The following CAMK2A variants were observed in gnomAD, a reference collection of about 807,000 sequenced individuals.
The protein encoded by CAMK2A is calcium/calmodulin-dependent protein kinase type II subunit alpha.
A neutral mutation model predicts 79.2 loss-of-function variants in CAMK2A; 7 were observed. The observed-to-expected ratio is 0.09, with a 90% CI of 0.05 to 0.17. The LOEUF (loss-of-function observed/expected upper bound fraction) is 0.17, where lower values mean the gene tolerates loss of function less well. Ranked by LOEUF, CAMK2A falls within the 10% of genes least tolerant of loss-of-function variation. CAMK2A has a pLI of 1.00. For missense variants in CAMK2A, 214 were observed against 646.4 expected, an observed-to-expected ratio of 0.33 and a Z score of 7.25; for synonymous variants, 242 against 251.7, an observed-to-expected ratio of 0.96 and a Z score of 0.36.
chr5:150,222,982 T>A lies in CAMK2A; in HGVS notation c.1466+7A>T. 2 of 1,612,264 alleles carry A rather than the reference T, an allele frequency of 1.2e-6. No homozygotes were observed. Among genetic ancestry groups the A allele is most frequent in the Non-Finnish European group, 1.7e-6 (2 of 1,178,390 alleles). Reference sequence around the variant, plus strand: ...TACCCTGGGAGGCAGGAAGGAGGGATTCTTACTGGGGCAGGACGGAGGGCG... The same window carrying A: ...TACCCTGGGAGGCAGGAAGGAGGGAATCTTACTGGGGCAGGACGGAGGGCG... On this transcript the variant is annotated splice_region_variant and intron_variant, in intron 18 of 18. Transcript: ENST00000671881.
chr5:150,283,137 C>G lies in CAMK2A; in HGVS notation c.62+6427G>C, dbSNP rs188619933. Among the ~76,000 whole-genome samples, 3 of 152,332 alleles carry G rather than the reference C, an allele frequency of 2.0e-5. No homozygotes were observed. In the East Asian group the frequency reaches 5.8e-4, roughly 29 times the overall value. On this transcript the variant is annotated intron_variant, in intron 1 of 18. Coordinates refer to ENST00000671881, the MANE Select transcript of CAMK2A (RefSeq NM_015981.4). ...ATTCAGCTTCCAGACCTTCACCACC[C>G]TGCCTGGCCCCCTCTTCCAGACAAT...
Position 150,266,870 on chromosome 5 carries a change from G to A in CAMK2A, c.158-1855C>T, listed in dbSNP as rs188609496. Among the ~76,000 whole-genome samples, 3 of 152,288 alleles carry A rather than the reference G, an allele frequency of 2.0e-5. No individual in the cohort carries two copies. In the East Asian group the frequency reaches 5.8e-4, roughly 29 times the overall value. On this transcript the variant is annotated intron_variant, in intron 2 of 18. Coordinates refer to ENST00000671881, the MANE Select transcript of CAMK2A (RefSeq NM_015981.4). ...TCAGAGTAGGCAGGTATGCGGGTGG[G>A]GGGGTGGTGAGAATGAAGAAAGTTC...
At chr5:150,227,046 AC>A (rs1754634886) in intron 17 of CAMK2A, among the ~76,000 whole-genome samples, 1 of 152,066 alleles carries the variant, frequency 6.6e-6, no homozygotes, top group Non-Finnish European at 1.5e-5. Context: ...TGCTGGGATT[AC>A]ATGCGTGAGC....
At position 150,222,605 on chromosome 5, in the gene CAMK2A, C is replaced by T. The variant is rs1479295239; in HGVS notation, c.*105G>A. The T allele has an allele frequency of 7.9e-7, 1 of 1,259,896 alleles. No individual in the cohort carries two copies. The highest frequency in any genetic ancestry group is 1.7e-5 in the Admixed American group (1 of 57,478). 78.0% of individuals were successfully genotyped at this position (1,259,896 alleles called of 1,614,324 possible). Reference sequence around the variant, plus strand: ...AGAAGTGACGGTGGTGGGGTGATGACATGGGAGAATTCCAGCAAAATCCAC... The same window carrying T: ...AGAAGTGACGGTGGTGGGGTGATGATATGGGAGAATTCCAGCAAAATCCAC... On this transcript the variant is annotated 3_prime_UTR_variant, in exon 19 of 19. Coordinates refer to ENST00000671881, the MANE Select transcript of CAMK2A (RefSeq NM_015981.4).
chr5:150,265,944 A>AAAAAG (rs1554123360), intron 2 of CAMK2A, among the ~76,000 whole-genome samples: 8 of 152,042 alleles, frequency 5.3e-5, no homozygotes, highest in African/African-American at 1.4e-4. Flanking sequence ...CAAAAAAAAA[A>AAAAAG]AAAAGAAAAG....
intron 14 of CAMK2A, among the ~76,000 whole-genome samples, chr5:150,239,271 C>T (rs987706450): frequency 6.6e-6 from 1 of 152,132 alleles, no homozygotes; most frequent in African/African-American, 2.4e-5. Flanking sequence ...CCCCTGCCAC[C>T]GGCGGGCCTG....
In CAMK2A at chr5:150,289,587, G is replaced by A; in HGVS notation, c.39C>T (p.Tyr13=). The change falls in exon 1 of 19, where the codon TAC becomes TAT. Residue 13 remains tyrosine (Y), a synonymous_variant. Coordinates refer to ENST00000671881, the MANE Select transcript of CAMK2A (RefSeq NM_015981.4). ...TITCTRFTEE[Y]QLFEELGKGA... Reference sequence around the variant, plus strand: ...ACTTGCCCAATTCCTCGAAGAGCTGGTACTCTTCCGTGAAGCGGGTGCAGG... The same window carrying A: ...ACTTGCCCAATTCCTCGAAGAGCTGATACTCTTCCGTGAAGCGGGTGCAGG... 1 of 1,613,980 alleles carries A rather than the reference G, an allele frequency of 6.2e-7. No homozygotes were observed. Among genetic ancestry groups the A allele is most frequent in the Non-Finnish European group, 8.5e-7 (1 of 1,179,898 alleles).
chr5:150,239,379 G>T (rs1264660388), intron 14 of CAMK2A, among the ~76,000 whole-genome samples: 1 of 152,174 alleles, frequency 6.6e-6, no homozygotes, highest in East Asian at 1.9e-4. Flanking sequence ...CCAAGCCTGA[G>T]ATGAATTCTA....
chr5:150,230,317 CAAAAAAAAAA>C (rs1216883745), intron 16 of CAMK2A, among the ~76,000 whole-genome samples: 24 of 60,642 alleles, frequency 4.0e-4, no homozygotes, highest in African/African-American at 1.4e-3. Context: ...GACTCCGTCT[CAAAAAAAAAA>C]AAAAAAAAAA....
intron 3 of CAMK2A, among the ~76,000 whole-genome samples, chr5:150,261,924 A>G (rs918333648): frequency 1.4e-4 from 22 of 152,320 alleles, no homozygotes; most frequent in African/African-American, 3.8e-4. Flanking sequence ...GATATTGTCA[A>G]CTTCATCACT....
intron 3 of CAMK2A, among the ~76,000 whole-genome samples, chr5:150,261,505 A>G (rs1461771020): frequency 6.6e-6 from 1 of 152,184 alleles, no homozygotes; most frequent in African/African-American, 2.4e-5. Flanking sequence ...ACTGTTTAAA[A>G]TATTGTCATA....
intron 10 of CAMK2A, 100 bp downstream of exon 10, chr5:150,250,588 C>G: frequency 2.0e-6 from 3 of 1,513,054 alleles, no homozygotes; most frequent in African/African-American, 1.4e-5. Flanking sequence ...ATTAAGCCCT[C>G]TTGGCCCCAT....
In CAMK2A at chr5:150,247,773, G is replaced by T; in HGVS notation, c.942C>A (p.Ser314=). ...LTTMLATRNF[S]GGKSGGNKKS... ...GGACCCTGAGGTCCTGCCACCTACC[G>T]GAGAAGTTCCTGGTGGCCAGCATCG... Residue 314 remains serine, a splice_region_variant and synonymous_variant, in exon 12 of 19, where the codon TCC becomes TCA. Coordinates refer to ENST00000671881, the MANE Select transcript of CAMK2A (RefSeq NM_015981.4). 1 of 1,611,020 alleles carries T rather than the reference G, an allele frequency of 6.2e-7. No homozygotes were observed. The highest frequency in any genetic ancestry group is 1.7e-4 in the Middle Eastern group (1 of 5,974).
chr5:150,245,821 G>A (rs1010900696), intron 12 of CAMK2A, among the ~76,000 whole-genome samples: 6 of 152,180 alleles, frequency 3.9e-5, no homozygotes, highest in Non-Finnish European at 8.8e-5. Context: ...GCTATGGCCC[G>A]GGTGGCAGGG....
At chr5:150,265,077 C>G (rs773288821) in intron 2 of CAMK2A, 62 bp from the exon 3 acceptor site, 36 of 1,277,132 alleles carry the variant, frequency 2.8e-5, no homozygotes, top group Non-Finnish European at 4.0e-5. Flanking sequence ...TCCATCTCCC[C>G]CTTCTCAAAG....
intron 7 of CAMK2A, among the ~76,000 whole-genome samples, chr5:150,252,353 G>A (rs1285126389): frequency 1.3e-5 from 2 of 152,090 alleles, no homozygotes; most frequent in Non-Finnish European, 2.9e-5. Flanking sequence ...CCTTCCTACT[G>A]GGTCCTGACT....
rs56178981 is a variant in CAMK2A, at chr5:150,273,069, G to A, written c.153C>T (p.Ala51=). The stretch of plus-strand genomic sequence containing the variant: ...GGGTAGAAATCAGGCACCTACCTCT[G>A]GCTGACAGCTTCTTTGTGTTGATGA... ...AKIINTKKLS[A]RDHQKLEREA... Residue 51 remains alanine (A), a synonymous_variant, in exon 2 of 19, where the codon GCC becomes GCT. Coordinates refer to ENST00000671881, the MANE Select transcript of CAMK2A (RefSeq NM_015981.4). The A allele has an allele frequency of 4.2e-4, 676 of 1,613,390 alleles. 2 individuals are homozygous for A. The East Asian group carries it at 9.5e-3, about 23-fold the overall frequency.
rs1248984422 is a variant in CAMK2A, at chr5:150,289,708, C to T, written c.-83G>A. The T allele has an allele frequency of 2.7e-6, 3 of 1,116,106 alleles. No homozygotes were observed. Among genetic ancestry groups the T allele is most frequent in the South Asian group, 1.3e-5 (1 of 75,026 alleles). 69.1% of individuals were successfully genotyped at this position (1,116,106 alleles called of 1,614,324 possible). A position where few individuals can be genotyped will look rare whatever the true frequency, so the allele number is the denominator to read the frequency against. ...CTGCTCTGCTCCCGAACCTAGGGAC[C>T]ACTTGCCTGCCCGTGCTGCCGAGTG... On this transcript the variant is annotated 5_prime_UTR_variant, in exon 1 of 19. Coordinates refer to ENST00000671881, the MANE Select transcript of CAMK2A (RefSeq NM_015981.4).
intron 15 of CAMK2A, 63 bp from the exon 16 acceptor site, chr5:150,231,443 T>C (rs1489922670): frequency 9.0e-6 from 6 of 663,398 alleles, no homozygotes; most frequent in South Asian, 4.7e-5. Flanking sequence ...ATAATAATAA[T>C]AGTGATGGTA....
Sources: gnomAD v4.1 joint callset for allele counts (sites outside exome capture counted in the v4.1 genomes callset) on GRCh38, gnomAD v4.1.1 for gene constraint, MANE v1.5 for transcripts, NCBI Gene and HGNC (gene_info 2026-07-23, HGNC 2026-07-21) for gene names.